The following CEP89 variants were observed in gnomAD, a reference collection of about 807,000 sequenced individuals.
CEP89 encodes the protein centrosomal protein of 89 kDa.
CEP89 carries 95 observed loss-of-function variants against 97.6 expected under a neutral mutation model. The observed-to-expected ratio is 0.97, with a 90% CI of 0.82 to 1.15. The LOEUF (loss-of-function observed/expected upper bound fraction) is 1.15, where lower values mean the gene tolerates loss of function less well. Among genes scored for constraint, CEP89 ranks in the 50% most tolerant of loss-of-function variants. The pLI is 0.00. For synonymous variants in CEP89, 354 were observed against 349.1 expected (o/e 1.01, Z -0.16); for missense variants, 869 against 947.7 (o/e 0.92, Z 1.09).
intron 6 of CEP89, among the ~76,000 whole-genome samples, chr19:32,938,355 C>T (rs56158817): frequency 6.6e-6 from 1 of 152,128 alleles, no homozygotes; most frequent in East Asian, 1.9e-4. Context: ...GGCCTCTTCT[C>T]ACTGGGATGG....
At chr19:32,926,124 T>C (rs566962538) in intron 11 of CEP89, 66 bp downstream of exon 11, 38 of 1,149,216 alleles carry the variant, frequency 3.3e-5, no homozygotes, top group Non-Finnish European at 4.4e-5. Flanking sequence ...AAAATGTTTT[T>C]ATAAAATTTG....
intron 3 of CEP89, among the ~76,000 whole-genome samples, chr19:32,958,012 A>AGC (rs1568581221): frequency 1.9e-5 from 2 of 106,320 alleles, no homozygotes; most frequent in Admixed American, 2.1e-4. Context: ...AAACAAAAAA[A>AGC]TCCCCCCCCC....
At chr19:32,949,558 A>AT (rs1568575681) in intron 4 of CEP89, among the ~76,000 whole-genome samples, 1 of 151,890 alleles carries the variant, frequency 6.6e-6, no homozygotes, top group Non-Finnish European at 1.5e-5. Flanking sequence ...TAATTTTTAA[A>AT]TTTTTTGTAG....
chr19:32,895,296 G>C (rs557832774), intron 16 of CEP89, among the ~76,000 whole-genome samples: 12 of 152,108 alleles, frequency 7.9e-5, no homozygotes, highest in Admixed American at 2.0e-4. Flanking sequence ...GGGATCAAGA[G>C]ATGCAAAGAC....
At chr19:32,958,022 C>A (rs537623415) in intron 3 of CEP89, among the ~76,000 whole-genome samples, 1 of 151,110 alleles carries the variant, frequency 6.6e-6, no homozygotes, top group African/African-American at 2.4e-5. Flanking sequence ...ATCCCCCCCC[C>A]GCCAAAAAAT....
chr19:32,922,328 G>A (rs1321090481), intron 12 of CEP89, among the ~76,000 whole-genome samples: 1 of 152,092 alleles, frequency 6.6e-6, no homozygotes, highest in Non-Finnish European at 1.5e-5. Flanking sequence ...GATCACTGGA[G>A]CCCAAGAGTT....
chr19:32,931,498 C>A lies in CEP89; in HGVS notation c.960G>T (p.Met320Ile), dbSNP rs1228430615. Residue 320 changes from methionine to isoleucine, a missense_variant, in exon 9 of 19, where the codon ATG (methionine) becomes ATT (isoleucine). Transcript: ENST00000305768. ...ELVDENDGLKMTVHRLNVELS... is the reference protein window; with the variant it reads ...ELVDENDGLKITVHRLNVELS... ...GTTCTACATTCAAACGATGGACAGT[C>A]ATTTTCAATCCATCATTTTCATCCA... 6.3e-7 allele frequency: 1 copy of A among 1,590,672 alleles called. No homozygotes were observed. The highest frequency in any genetic ancestry group is 8.5e-7 in the Non-Finnish European group (1 of 1,174,432).
At chr19:32,933,429 A>C (rs1444583118) in intron 8 of CEP89, 22 bp downstream of exon 8, 2 of 1,548,230 alleles carry the variant, frequency 1.3e-6, no homozygotes, top group Admixed American at 1.7e-5. Context: ...TCCTCTAATA[A>C]AGGCACTCTG....
chr19:32,891,563 T>A (rs1055465454), intron 16 of CEP89, among the ~76,000 whole-genome samples: 3 of 151,908 alleles, frequency 2.0e-5, no homozygotes, highest in African/African-American at 7.3e-5. Flanking sequence ...TTAAAAATAA[T>A]GATATTAAAG....
intron 16 of CEP89, among the ~76,000 whole-genome samples, chr19:32,892,202 CATAT>C (rs71336973): frequency 0.025 from 2,902 of 114,712 alleles, 44 homozygotes; most frequent in Middle Eastern, 0.052. Flanking sequence ...TATATTTAGA[CATAT>C]ATATATATAT....
At chr19:32,895,201 A>G (rs537637262) in intron 16 of CEP89, among the ~76,000 whole-genome samples, 1 of 152,324 alleles carries the variant, frequency 6.6e-6, no homozygotes, top group African/African-American at 2.4e-5. Context: ...AATATCCCTA[A>G]TGAACACAGA....
chr19:32,910,316 A>G (rs889981858), intron 14 of CEP89, among the ~76,000 whole-genome samples: 3 of 150,434 alleles, frequency 2.0e-5, no homozygotes, highest in East Asian at 2.0e-4. Flanking sequence ...GGAGGGAGGG[A>G]GAGAGAGAGA....
Position 32,931,490 on chromosome 19 carries a change from T to C in CEP89, c.968A>G (p.His323Arg), listed in dbSNP as rs776618483. 5 of 1,595,488 alleles carry C rather than the reference T, an allele frequency of 3.1e-6. No individual in the cohort carries two copies. In the East Asian group the frequency reaches 9.1e-5, roughly 29 times the overall value. Residue 323 changes from histidine (H) to arginine (R), a missense_variant, in exon 9 of 19, where the codon CAT becomes CGT. By Grantham distance (29) the His-to-Arg change is conservative. Coordinates refer to ENST00000305768, the MANE Select transcript of CEP89 (RefSeq NM_032816.5). ...DENDGLKMTV[H>R]RLNVELSRYQ... is the part of the protein sequence containing the mutation. ...TCGACTGAGTTCTACATTCAAACGA[T>C]GGACAGTCATTTTCAATCCATCATT...
intron 9 of CEP89, among the ~76,000 whole-genome samples, chr19:32,930,335 C>A (rs544069107): frequency 7.7e-4 from 117 of 151,934 alleles, no homozygotes; most frequent in Non-Finnish European, 1.3e-3. Context: ...GCCAACATTT[C>A]TTGATTTAAC....
chr19:32,912,165 T>C (rs916506067), intron 14 of CEP89, among the ~76,000 whole-genome samples: 1 of 148,064 alleles, frequency 6.8e-6, no homozygotes, highest in African/African-American at 2.5e-5. Flanking sequence ...ATCGCGCCAC[T>C]GCACTCCAGC....
Position 32,879,470 on chromosome 19 carries a change from G to A in CEP89, c.2136-92C>T, listed in dbSNP as rs17304604. Reference sequence around the variant, plus strand: ...TAGCAAGAACTCAAAACAGAAGAACGCTATCAGCAGGGAACAGAGCCCTCG... The same window carrying A: ...TAGCAAGAACTCAAAACAGAAGAACACTATCAGCAGGGAACAGAGCCCTCG... On this transcript the variant is annotated intron_variant, in intron 18 of 18. Transcript: ENST00000305768. 18,528 of 1,056,488 alleles carry A rather than the reference G, an allele frequency of 0.018. 2,117 individuals are homozygous for A. In the Admixed American group the frequency reaches 0.25, roughly 14 times the overall value. The allele number at this position is 1,056,488 out of a possible 1,614,324, so 65.4% of individuals were successfully genotyped here. A position where few individuals can be genotyped will look rare whatever the true frequency, so the allele number is the denominator to read the frequency against.
chr19:32,928,424 T>A (rs1422134712), intron 9 of CEP89, among the ~76,000 whole-genome samples: 1 of 152,054 alleles, frequency 6.6e-6, no homozygotes, highest in Non-Finnish European at 1.5e-5. Flanking sequence ...GTGGATCACC[T>A]TCATGCTTCT....
intron 4 of CEP89, among the ~76,000 whole-genome samples, chr19:32,952,768 G>C (rs921484722): frequency 5.9e-5 from 9 of 151,434 alleles, no homozygotes; most frequent in African/African-American, 2.2e-4. Context: ...GCCAGGCATG[G>C]TGGTGTGTGT....
chr19:32,907,573 T>C (rs914162948), intron 14 of CEP89, among the ~76,000 whole-genome samples: 2 of 152,002 alleles, frequency 1.3e-5, no homozygotes, highest in African/African-American at 4.8e-5. Context: ...TGCCTCATCC[T>C]CCTGAGCAGC....
Sources: allele counts gnomAD v4.1 joint callset (sites outside exome capture counted in the v4.1 genomes callset), GRCh38; gene constraint gnomAD v4.1.1; transcripts MANE v1.5; gene names NCBI Gene and HGNC (gene_info 2026-07-23, HGNC 2026-07-21).